EDRF1: variants seen among roughly 807,000 people sequenced by gnomAD.
EDRF1 encodes the protein erythroid differentiation regulatory factor 1.
EDRF1 carries 69 observed loss-of-function variants against 148.7 expected under a neutral mutation model. The ratio of observed to expected loss-of-function variants is 0.46; its 90% confidence interval spans 0.38 to 0.57. EDRF1 has a LOEUF of 0.57. Among genes scored for constraint, EDRF1 ranks in the 20% least tolerant of loss-of-function variants. EDRF1 has a pLI of 0.00. For synonymous variants in EDRF1, 515 were observed against 532.8 expected, an observed-to-expected ratio of 0.97 and a Z score of 0.46; for missense variants, 1,118 against 1,478.7, an observed-to-expected ratio of 0.76 and a Z score of 4.00.
chr10:125,747,457 T>A, intron 19 of EDRF1, 79 bp from the exon 20 acceptor site: 1 of 1,453,360 alleles, frequency 6.9e-7, no homozygotes, highest in South Asian at 1.1e-5. Context: ...TGGGTAGTTG[T>A]GAAGTGTGTT....
At position 125,719,771 on chromosome 10, in the gene EDRF1, C is replaced by T. The variant is rs775940318; in HGVS notation, c.-37C>T. 6 of 1,557,712 alleles carry T rather than the reference C, an allele frequency of 3.9e-6. No homozygotes were observed. Among genetic ancestry groups the T allele is most frequent in the South Asian group, 3.4e-5 (3 of 87,786 alleles). ...GCCTGCGTTGCTGCTGCTGCTCCTC[C>T]GCTCCCCCGTCGTATCGCCTGCCCT... On this transcript the variant is annotated 5_prime_UTR_variant, in exon 1 of 25. Transcript: ENST00000356792.
intron 24 of EDRF1, among the ~76,000 whole-genome samples, chr10:125,759,251 A>G (rs903073770): frequency 6.6e-6 from 1 of 152,130 alleles, no homozygotes; most frequent in Non-Finnish European, 1.5e-5. Context: ...CCCATTCACT[A>G]TTTTAGCTAA....
rs193242019 is a variant in EDRF1 at position 125,742,710 on chromosome 10, G to C, written c.2372-348G>C. On this transcript the variant is annotated intron_variant, in intron 17 of 24. Transcript: ENST00000356792. ...AGTTAATATTGGGACATTATTTCAA[G>C]AACTATTTCCATTAGTTAAAAATAG... is the stretch of plus-strand genomic sequence containing the variant. 2.6e-5 allele frequency: 26 copies of C among 984,588 alleles called. 1 individual carries two copies. The African/African-American group carries it at 3.7e-4, about 14-fold the overall frequency. The allele number at this position is 984,588 out of a possible 1,614,324, so 61.0% of individuals were successfully genotyped here. A position where few individuals can be genotyped will look rare whatever the true frequency, so the allele number is the denominator to read the frequency against.
chr10:125,727,451 A>T (rs1475567276), intron 6 of EDRF1, among the ~76,000 whole-genome samples: 1 of 152,202 alleles, frequency 6.6e-6, no homozygotes, highest in Non-Finnish European at 1.5e-5. Flanking sequence ...TGACTGTGGG[A>T]TGGTCCTAGA....
intron 9 of EDRF1, among the ~76,000 whole-genome samples, chr10:125,731,027 G>A (rs890655626): frequency 6.6e-6 from 1 of 152,102 alleles, no homozygotes; most frequent in Non-Finnish European, 1.5e-5. Flanking sequence ...CATGTCTGTA[G>A]TCCCAGCTAC....
intron 22 of EDRF1, chr10:125,749,834 A>G (rs1467259006): frequency 6.8e-6 from 3 of 443,520 alleles, no homozygotes; most frequent in Non-Finnish European, 1.2e-5. Flanking sequence ...TGACAAATAA[A>G]TTTAGACAGT....
intron 22 of EDRF1, chr10:125,751,989 G>A (rs1849668698): frequency 1.3e-5 from 2 of 152,274 alleles, no homozygotes; most frequent in South Asian, 4.1e-4. Flanking sequence ...GCTCACCCAA[G>A]CCTTGGTGTC....
At chr10:125,719,958 G>T (rs74162846) in intron 1 of EDRF1, 43 bp downstream of exon 1, 2 of 1,569,072 alleles carry the variant, frequency 1.3e-6, no homozygotes, top group Admixed American at 1.7e-5. Flanking sequence ...ATGTGGGAGC[G>T]GAGGACCCGC....
chr10:125,722,488 C>T (rs1369921480), intron 2 of EDRF1, among the ~76,000 whole-genome samples: 3 of 152,138 alleles, frequency 2.0e-5, no homozygotes, highest in Non-Finnish European at 4.4e-5. Context: ...ATGGTGATGT[C>T]GGGTACCTTT....
chr10:125,763,126 A>C lies in EDRF1; in HGVS notation c.3546-175A>C, dbSNP rs1850261994. On this transcript the variant is annotated intron_variant, in intron 24 of 24. Transcript: ENST00000356792. The surrounding 1 kb of genome is among the most constrained non-coding windows in gnomAD (Gnocchi z 4.3). ...TGATGTATTGAAATAAATGTGTAGA[A>C]ACAGGCCCATGAGCAATATGTAAAA... Among the ~76,000 whole-genome samples, 1 of 152,188 alleles carries C rather than the reference A, an allele frequency of 6.6e-6. No individual in the cohort carries two copies. Among genetic ancestry groups the C allele is most frequent in the Non-Finnish European group, 1.5e-5 (1 of 68,030 alleles).
chr10:125,751,404 G>GTTTTTTTTTT (rs60964364), intron 22 of EDRF1, among the ~76,000 whole-genome samples: 6 of 140,702 alleles, frequency 4.3e-5, no homozygotes, highest in African/African-American at 5.4e-5. Context: ...TTTACCCAGT[G>GTTTTTTTTTT]TTTTTTTTTT....
chr10:125,749,883 G>A (rs748505950), intron 22 of EDRF1: 25 of 356,098 alleles, frequency 7.0e-5, no homozygotes, highest in Non-Finnish European at 1.2e-4. Flanking sequence ...GCTCACGCCT[G>A]TAATCCCAGC....
At chr10:125,750,095 C>G (rs563464995) in intron 22 of EDRF1, among the ~76,000 whole-genome samples, 2 of 152,126 alleles carry the variant, frequency 1.3e-5, no homozygotes, top group Non-Finnish European at 2.9e-5. Context: ...GAGCCAAGAT[C>G]GTGCCACTGC....
intron 15 of EDRF1, among the ~76,000 whole-genome samples, chr10:125,739,418 C>T (rs1316321336): frequency 6.6e-6 from 1 of 152,210 alleles, no homozygotes; most frequent in Admixed American, 6.5e-5. Flanking sequence ...ATGTTTCCCT[C>T]TGTTCTCCAT....
At chr10:125,740,081 G>A (rs912415958) in intron 15 of EDRF1, among the ~76,000 whole-genome samples, 1 of 152,240 alleles carries the variant, frequency 6.6e-6, no homozygotes, top group Non-Finnish European at 1.5e-5. Context: ...AACTAGCTAA[G>A]TGGGGAGAAG....
At chr10:125,760,455 A>C (rs867759460) in intron 24 of EDRF1, among the ~76,000 whole-genome samples, 1 of 152,244 alleles carries the variant, frequency 6.6e-6, no homozygotes, top group Non-Finnish European at 1.5e-5. Context: ...TAAAGTTTTC[A>C]TGCATGACAC....
At chr10:125,727,988 G>C (rs201715260) in intron 6 of EDRF1, among the ~76,000 whole-genome samples, 1 of 151,960 alleles carries the variant, frequency 6.6e-6, no homozygotes, top group Non-Finnish European at 1.5e-5. Context: ...CTTGAGGCCC[G>C]GAGTTAGAGA....
intron 9 of EDRF1, among the ~76,000 whole-genome samples, chr10:125,731,220 A>T (rs987818188): frequency 1.2e-4 from 18 of 152,220 alleles, no homozygotes; most frequent in Non-Finnish European, 1.9e-4. Context: ...CTTGGTTGTT[A>T]TTCAGAAAGA....
At chr10:125,752,332 C>T (rs566673993) in intron 22 of EDRF1, among the ~76,000 whole-genome samples, 1 of 152,294 alleles carries the variant, frequency 6.6e-6, no homozygotes, top group East Asian at 1.9e-4. Context: ...TCTGATAGCT[C>T]TAGAAAAATT....
Sources: allele counts gnomAD v4.1 joint callset (sites outside exome capture counted in the v4.1 genomes callset), GRCh38; gene constraint gnomAD v4.1.1; non-coding constraint Gnocchi (gnomAD v3.1); transcripts MANE v1.5; gene names NCBI Gene and HGNC (gene_info 2026-07-23, HGNC 2026-07-21).